Variants in PRDM5 observed in about 807,000 individuals in gnomAD.
PRDM5 encodes the protein PR/SET domain 5, also known as PR domain zinc finger protein 5.
A neutral mutation model predicts 81.2 loss-of-function variants in PRDM5; 56 were observed. The ratio of observed to expected loss-of-function variants is 0.69; its 90% CI spans 0.56 to 0.86. The LOEUF (loss-of-function observed/expected upper bound fraction) is 0.86, where lower values mean the gene tolerates loss of function less well. Among genes scored for constraint, PRDM5 ranks in the 40% least tolerant of loss-of-function variants. PRDM5 has a pLI of 0.00. For missense variants in PRDM5, 697 were observed against 770.1 expected (o/e 0.91, Z 1.12); for synonymous variants, 267 against 256.4 (o/e 1.04, Z -0.39).
intron 14 of PRDM5, among the ~76,000 whole-genome samples, chr4:120,715,313 C>T (rs567636728): frequency 6.6e-6 from 1 of 152,116 alleles, no homozygotes; most frequent in South Asian, 2.1e-4. Context: ...CTTATAGGGC[C>T]TTTTTTCCGG....
At chr4:120,907,410 TA>T in intron 2 of PRDM5, 63 bp downstream of exon 2, 1 of 1,343,794 alleles carries the variant, frequency 7.4e-7, no homozygotes, top group Non-Finnish European at 1.1e-6. Flanking sequence ...AATGTAGCCT[TA>T]AAAATGCATT....
intron 15 of PRDM5, 77 bp downstream of exon 15, chr4:120,710,232 C>A (rs975818209): frequency 1.5e-5 from 18 of 1,202,796 alleles, no homozygotes; most frequent in Middle Eastern, 2.3e-4. Flanking sequence ...CACACACACA[C>A]ACACACATAC....
intron 3 of PRDM5, among the ~76,000 whole-genome samples, chr4:120,830,773 G>C (rs1756617458): frequency 6.6e-6 from 1 of 152,006 alleles, no homozygotes; most frequent in Non-Finnish European, 1.5e-5. Flanking sequence ...GCTAGTCATA[G>C]CTTATAATCA....
chr4:120,756,483 T>A (rs1431231482), intron 13 of PRDM5, among the ~76,000 whole-genome samples: 1 of 152,198 alleles, frequency 6.6e-6, no homozygotes, highest in Non-Finnish European at 1.5e-5. Context: ...CTCTGATATA[T>A]CTAGAATTTT....
chr4:120,899,391 T>C lies in PRDM5; in HGVS notation c.177+8083A>G, dbSNP rs551165592. ...AATTCGTCACACAGCTGATTGGCAA[T>C]AGATTTTGAATCTACTTTCCTGACT... On this transcript the variant is annotated intron_variant, in intron 2 of 15. Transcript: ENST00000264808. Among the ~76,000 whole-genome samples the C allele has an allele frequency of 3.9e-5, 6 of 152,314 alleles. 1 individual carries two copies. The South Asian group carries it at 1.2e-3, about 32-fold the overall frequency.
Position 120,922,515 on chromosome 4 carries a change from C to A in PRDM5, c.93+1G>T. 1 of 1,602,638 alleles carries A rather than the reference C, an allele frequency of 6.2e-7. No homozygotes were observed. The highest frequency in any genetic ancestry group is 1.1e-5 in the South Asian group (1 of 89,638). Reference sequence around the variant, plus strand: ...GCGCAGGCCGCCGCCGGGTCACCCACCTTTCGCACTCTGCGGGCCGTGTAG... The same window carrying A: ...GCGCAGGCCGCCGCCGGGTCACCCAACTTTCGCACTCTGCGGGCCGTGTAG... On this transcript the variant is annotated splice_donor_variant, in intron 1 of 15. Coordinates refer to ENST00000264808, the MANE Select transcript of PRDM5 (RefSeq NM_018699.4). LOFTEE classifies it high-confidence loss of function.
chr4:120,705,537 C>A (rs948345732), intron 15 of PRDM5, among the ~76,000 whole-genome samples: 2 of 151,916 alleles, frequency 1.3e-5, no homozygotes, highest in Non-Finnish European at 2.9e-5. Context: ...TTCAATGTGT[C>A]CAAAAAAGAC....
intron 8 of PRDM5, among the ~76,000 whole-genome samples, chr4:120,804,898 C>T (rs976025705): frequency 6.6e-6 from 1 of 152,048 alleles, no homozygotes; most frequent in Non-Finnish European, 1.5e-5. Flanking sequence ...TTCAAAAAAT[C>T]AATGAATCCA....
At chr4:120,757,224 T>TA (rs1744878372) in intron 13 of PRDM5, among the ~76,000 whole-genome samples, 1 of 152,218 alleles carries the variant, frequency 6.6e-6, no homozygotes, top group African/African-American at 2.4e-5. Flanking sequence ...TCCATAGACT[T>TA]AAAAAGGCTA....
intron 2 of PRDM5, among the ~76,000 whole-genome samples, chr4:120,870,234 G>A (rs1761634586): frequency 6.6e-6 from 1 of 152,114 alleles, no homozygotes; most frequent in African/African-American, 2.4e-5. Context: ...AGGTTTCTGA[G>A]AGCCATATGA....
At chr4:120,698,280 C>T (rs1032322976) in intron 15 of PRDM5, among the ~76,000 whole-genome samples, 1 of 152,156 alleles carries the variant, frequency 6.6e-6, no homozygotes, top group African/African-American at 2.4e-5. Flanking sequence ...CTTTTGAGCC[C>T]TCATTTAACA....
At chr4:120,798,579 A>T (rs1231493001) in intron 9 of PRDM5, among the ~76,000 whole-genome samples, 155 bp from the exon 10 acceptor site, 3 of 152,158 alleles carry the variant, frequency 2.0e-5, no homozygotes, top group Non-Finnish European at 2.9e-5. Flanking sequence ...TAGACACATA[A>T]ATGTGTCTAC....
intron 2 of PRDM5, among the ~76,000 whole-genome samples, chr4:120,900,364 C>T (rs1208879119): frequency 6.6e-6 from 1 of 152,188 alleles, no homozygotes; most frequent in Non-Finnish European, 1.5e-5. Flanking sequence ...AAACAAAAAA[C>T]ACTCTTATAC....
chr4:120,791,674 C>G (rs1172289209), intron 10 of PRDM5, among the ~76,000 whole-genome samples: 1 of 152,174 alleles, frequency 6.6e-6, no homozygotes, highest in Non-Finnish European at 1.5e-5. Context: ...CCCTCACCCC[C>G]TGGCTCTGCC....
chr4:120,725,737 C>A (rs1739300470), intron 14 of PRDM5, among the ~76,000 whole-genome samples: 1 of 152,154 alleles, frequency 6.6e-6, no homozygotes, highest in African/African-American at 2.4e-5. Context: ...TATTAAACAG[C>A]ATCATCTGAA....
chr4:120,731,949 G>T (rs757232214), intron 14 of PRDM5, among the ~76,000 whole-genome samples: 1 of 152,284 alleles, frequency 6.6e-6, no homozygotes, highest in Admixed American at 6.5e-5. Flanking sequence ...ACACCAAGCT[G>T]GTTGAAAATA....
chr4:120,908,768 T>C (rs559191174), intron 1 of PRDM5, among the ~76,000 whole-genome samples: 2 of 152,288 alleles, frequency 1.3e-5, no homozygotes, highest in East Asian at 1.9e-4. Flanking sequence ...AACAGGGAGA[T>C]TGCTCACTAT....
chr4:120,835,477 C>T (rs1757239846), intron 3 of PRDM5, among the ~76,000 whole-genome samples: 1 of 152,154 alleles, frequency 6.6e-6, no homozygotes, highest in South Asian at 2.1e-4. Context: ...TTTGAATTCC[C>T]ACATGTTGTG....
chr4:120,816,304 A>T (rs1251755080), intron 7 of PRDM5, 149 bp downstream of exon 7: 1 of 1,270,226 alleles, frequency 7.9e-7, no homozygotes, highest in South Asian at 1.3e-5. Flanking sequence ...GTGTTCAGTG[A>T]AAGAAAAAAA....
Sources: gnomAD v4.1 joint callset for allele counts (sites outside exome capture counted in the v4.1 genomes callset) on GRCh38, gnomAD v4.1.1 for gene constraint, MANE v1.5 for transcripts, NCBI Gene and HGNC (gene_info 2026-07-23, HGNC 2026-07-21) for gene names.